Variants in ORC2 observed in about 807,000 individuals in gnomAD.
The protein encoded by ORC2 is origin recognition complex subunit 2.
ORC2 carries 37 observed loss-of-function variants against 77.7 expected under a neutral mutation model. That is an observed-to-expected ratio of 0.48 (90% confidence interval 0.37 to 0.63). The LOEUF (loss-of-function observed/expected upper bound fraction) is 0.63. Among genes scored for constraint, ORC2 ranks in the 20% least tolerant of loss-of-function variants. The pLI, the probability that ORC2 is intolerant of heterozygous loss-of-function variation, is 0.00. For synonymous variants in ORC2, 201 were observed against 229.5 expected, an observed-to-expected ratio of 0.88 and a Z score of 1.12; for missense variants, 557 against 661.9, an observed-to-expected ratio of 0.84 and a Z score of 1.74.
At chr2:200,916,506 G>A (rs1028037638) in intron 15 of ORC2, among the ~76,000 whole-genome samples, 3 of 151,948 alleles carry the variant, frequency 2.0e-5, no homozygotes, top group African/African-American at 4.8e-5. Flanking sequence ...TTGCATCAGC[G>A]TAGCCAGTGC....
At position 200,935,776 on chromosome 2, in the gene ORC2, T is replaced by C; in HGVS notation, c.631A>G (p.Ile211Val). 6.2e-7 allele frequency: 1 copy of C among 1,614,160 alleles called. No individual in the cohort carries two copies. The highest frequency in any genetic ancestry group is 8.5e-7 in the Non-Finnish European group (1 of 1,180,006). ...DTNAVIFSQK[I>V]QAQNRVVSAP... ...GAAACTACTCTATTCTGAGCTTGAATCTTTTGGCTGAATATGACTGCATTA... is the reference window on the plus strand; with the variant it reads ...GAAACTACTCTATTCTGAGCTTGAACCTTTTGGCTGAATATGACTGCATTA... The change falls in exon 9 of 18, where the codon ATT (isoleucine) becomes GTT (valine). Residue 211 changes from isoleucine to valine, a missense_variant. Coordinates refer to ENST00000234296, the MANE Select transcript of ORC2 (RefSeq NM_006190.5).
chr2:200,919,089 C>CA (rs1276701312), intron 15 of ORC2, among the ~76,000 whole-genome samples: 10 of 152,168 alleles, frequency 6.6e-5, no homozygotes, highest in African/African-American at 2.4e-4. Flanking sequence ...CTTAGCTTCG[C>CA]ATAGTGTTGG....
In ORC2 at chr2:200,953,992, T is replaced by C. The variant is rs1030260679; in HGVS notation, c.238+3409A>G. ...CCACCACGCCCAGCTAATTTTTGTA[T>C]GTTTTTTGTAGAGATGGGATTTGGG... is the stretch of plus-strand genomic sequence containing the variant. On this transcript the variant is annotated intron_variant, in intron 4 of 17. Transcript: ENST00000234296. 6.6e-5 allele frequency among the ~76,000 whole-genome samples: 10 copies of C among 150,820 alleles called. No individual in the cohort carries two copies. In the East Asian group the frequency reaches 1.6e-3, roughly 23 times the overall value.
intron 4 of ORC2, among the ~76,000 whole-genome samples, chr2:200,954,916 A>G (rs1053536697): frequency 3.3e-5 from 5 of 151,942 alleles, no homozygotes; most frequent in African/African-American, 9.7e-5. Context: ...ATAAATAAAT[A>G]AATAAATAAA....
At chr2:200,912,216 C>T (rs918623080) in intron 17 of ORC2, among the ~76,000 whole-genome samples, 3 of 152,178 alleles carry the variant, frequency 2.0e-5, no homozygotes, top group Admixed American at 6.5e-5. Context: ...TGCCTGGTTT[C>T]AGTTATAATC....
intron 5 of ORC2, among the ~76,000 whole-genome samples, chr2:200,944,979 A>G (rs780579305): frequency 6.6e-6 from 1 of 152,208 alleles, no homozygotes; most frequent in Non-Finnish European, 1.5e-5. Flanking sequence ...TTTTAAGTAC[A>G]GCTTTATGTA....
intron 10 of ORC2, among the ~76,000 whole-genome samples, chr2:200,932,131 CA>C (rs1442775836): frequency 2.7e-5 from 4 of 150,752 alleles, no homozygotes; most frequent in Admixed American, 1.3e-4. Flanking sequence ...ACAGTTAAAG[CA>C]AACAGAACTA....
intron 7 of ORC2, 55 bp downstream of exon 7, chr2:200,941,193 T>TC: frequency 7.0e-7 from 1 of 1,437,010 alleles, no homozygotes; most frequent in Non-Finnish European, 9.7e-7. Flanking sequence ...TGGCAATTTT[T>TC]CATCATGTCT....
chr2:200,949,426 C>G lies in ORC2; in HGVS notation c.328+128G>C. ...TTCTTTTAGGGAACGTCTCATTATT[C>G]CCTAAACCATAGGGAATCTCTCTTC... On this transcript the variant is annotated intron_variant, in intron 5 of 17. Coordinates refer to ENST00000234296, the MANE Select transcript of ORC2 (RefSeq NM_006190.5). 2 of 617,218 alleles carry G rather than the reference C, an allele frequency of 3.2e-6. 1 individual carries two copies. Among genetic ancestry groups the G allele is most frequent in the South Asian group, 3.9e-5 (2 of 51,924 alleles). 38.2% of individuals were successfully genotyped at this position (617,218 alleles called of 1,614,324 possible). A position where few individuals can be genotyped will look rare whatever the true frequency, so the allele number is the denominator to read the frequency against.
At chr2:200,944,263 T>TCCCAG (rs1274101101) in intron 5 of ORC2, among the ~76,000 whole-genome samples, 1 of 151,890 alleles carries the variant, frequency 6.6e-6, no homozygotes, top group African/African-American at 2.4e-5. Context: ...ACCCTCTGCC[T>TCCCAG]CCCAGGTTCA....
At chr2:200,952,734 T>G (rs887925616) in intron 4 of ORC2, among the ~76,000 whole-genome samples, 1 of 151,918 alleles carries the variant, frequency 6.6e-6, no homozygotes, top group Non-Finnish European at 1.5e-5. Flanking sequence ...AAAAGTATCA[T>G]TAAGTTATCA....
chr2:200,931,453 A>C lies in ORC2; in HGVS notation c.808-5T>G, dbSNP rs1233947035. ...CAATAAGTTACGCAAAGTTTGCTTT[A>C]AAAAAAAGGAGGAGGGGAAAAAAGT... On this transcript the variant is annotated splice_region_variant and splice_polypyrimidine_tract_variant and intron_variant, in intron 10 of 17. Transcript: ENST00000234296. The C allele has an allele frequency of 6.7e-7, 1 of 1,489,020 alleles. No homozygotes were observed. The highest frequency in any genetic ancestry group is 9.1e-7 in the Non-Finnish European group (1 of 1,094,960). 92.2% of individuals were successfully genotyped at this position (1,489,020 alleles called of 1,614,324 possible). A position where few individuals can be genotyped will look rare whatever the true frequency, so the allele number is the denominator to read the frequency against.
intron 6 of ORC2, 108 bp downstream of exon 6, chr2:200,942,577 G>A: frequency 1.9e-6 from 1 of 537,882 alleles, no homozygotes; most frequent in Non-Finnish European, 3.1e-6. Flanking sequence ...TGAATTTTCA[G>A]AAAAGAAGAA....
chr2:200,935,624 G>T, intron 9 of ORC2, 75 bp downstream of exon 9: 1 of 957,690 alleles, frequency 1.0e-6, no homozygotes, highest in Admixed American at 2.7e-5. Context: ...TGAGAGATGT[G>T]GATCTCTTAG....
At chr2:200,912,896 T>C (rs936296718) in intron 17 of ORC2, among the ~76,000 whole-genome samples, 3 of 152,238 alleles carry the variant, frequency 2.0e-5, no homozygotes, top group African/African-American at 7.2e-5. Flanking sequence ...TCTCCCCCAT[T>C]AGACTTTAAG....
chr2:200,934,126 G>T (rs2040991904), intron 9 of ORC2, 152 bp from the exon 10 acceptor site: 1 of 466,278 alleles, frequency 2.1e-6, no homozygotes, highest in Non-Finnish European at 3.8e-6. Flanking sequence ...TAAGGACCAA[G>T]CATATTTAAT....
intron 4 of ORC2, among the ~76,000 whole-genome samples, chr2:200,951,236 AG>A (rs141208481): frequency 3.5e-4 from 53 of 152,316 alleles, no homozygotes; most frequent in Non-Finnish European, 6.5e-4. Context: ...CTCCATGGTC[AG>A]GATGTGCCAG....
intron 13 of ORC2, among the ~76,000 whole-genome samples, chr2:200,922,548 G>A (rs530708787): frequency 3.3e-5 from 5 of 151,062 alleles, no homozygotes; most frequent in South Asian, 2.1e-4. Flanking sequence ...CTTGGCATAC[G>A]TGATAGAGTA....
intron 4 of ORC2, 31 bp from the exon 5 acceptor site, chr2:200,949,674 G>GA (rs772015366): frequency 7.6e-7 from 1 of 1,307,828 alleles, no homozygotes; most frequent in Non-Finnish European, 1.1e-6. Context: ...ATACATTTAG[G>GA]AAAAAAGAAC....
Sources: gnomAD v4.1 joint callset for allele counts (sites outside exome capture counted in the v4.1 genomes callset) on GRCh38, gnomAD v4.1.1 for gene constraint, MANE v1.5 for transcripts, NCBI Gene and HGNC (gene_info 2026-07-23, HGNC 2026-07-21) for gene names.